MAP7D2: variants seen among roughly 807,000 people sequenced by gnomAD.
The protein encoded by MAP7D2 is MAP7 domain containing 2.
MAP7D2 carries 33 observed loss-of-function variants against 63.5 expected under a neutral mutation model. The observed-to-expected ratio is 0.52, with a 90% CI of 0.39 to 0.70. The LOEUF (loss-of-function observed/expected upper bound fraction) is 0.70, where lower values mean the gene tolerates loss of function less well. Among genes scored for constraint, MAP7D2 ranks in the 30% least tolerant of loss-of-function variants. The pLI, the probability that MAP7D2 is intolerant of heterozygous loss-of-function variation, is 0.00. For synonymous variants in MAP7D2, 224 were observed against 223.7 expected (o/e 1.00, Z -0.01); for missense variants, 626 against 604.0 (o/e 1.04, Z -0.38).
At chrX:20,085,649 G>A (rs1179509680) in intron 1 of MAP7D2, among the ~76,000 whole-genome samples, 1 of 112,345 alleles carries the variant, frequency 8.9e-6, no homozygotes, top group African/African-American at 3.2e-5. Context: ...AGCCAATATG[G>A]TCACTAAATG....
Position 20,016,157 on chromosome X carries a change from C to T in MAP7D2, c.1581G>A (p.Glu527=). 1.7e-6 allele frequency: 2 copies of T among 1,201,731 alleles called. No homozygotes were observed. Among genetic ancestry groups the T allele is most frequent in the Non-Finnish European group, 2.2e-6 (2 of 890,013 alleles). The change falls in exon 11 of 17, where the codon GAG becomes GAA. Residue 527 remains glutamate, a synonymous_variant. Transcript: ENST00000379643. ...AGEEAKRKAE[E]ELLLKEKQEQ... ...CTTGCTTTTCTTTCAACAACAGCTC[C>T]TCCTCAGCCTTCCGCTTGGCCTCCT... is the stretch of plus-strand genomic sequence containing the variant.
chrX:20,034,484 TCCTCAAAACATGTGAGTTGAAACCCTAA>T (rs2148233662), intron 8 of MAP7D2, among the ~76,000 whole-genome samples: 1 of 111,030 alleles, frequency 9.0e-6, no homozygotes, highest in African/African-American at 3.3e-5. Context: ...TGTTTCTGTC[TCCTCAAAACATGTGAGTTGAAACCCTAA>T]CCCCATGGTG....
At chrX:20,100,808 G>A (rs897810967) in intron 1 of MAP7D2, among the ~76,000 whole-genome samples, 1 of 110,893 alleles carries the variant, frequency 9.0e-6, no homozygotes, top group Non-Finnish European at 1.9e-5. Flanking sequence ...GATCACCTGA[G>A]GTCGGGAGTT....
chrX:20,024,977 T>C lies in MAP7D2; in HGVS notation c.1386A>G (p.Glu462=), dbSNP rs138055033. The C allele has an allele frequency of 9.0e-5, 109 of 1,210,156 alleles. No homozygotes were observed. Among genetic ancestry groups the C allele is most frequent in the Non-Finnish European group, 1.2e-4 (108 of 895,186 alleles). ...ARLQKEQEEQ[E]RLEKEEQDRL... ...TATCTTGTTCTTCCTTCTCCAGTCG[T>C]TCTTGCTCCTCCTGTTCCTTCTGCA... Residue 462 remains glutamate, a synonymous_variant, in exon 10 of 17, where the codon GAA becomes GAG. Transcript: ENST00000379643.
At chrX:20,094,568 A>ATG (rs2066201545) in intron 1 of MAP7D2, among the ~76,000 whole-genome samples, 2 of 6,885 alleles carry the variant, frequency 2.9e-4, no homozygotes, top group Non-Finnish European at 5.2e-4. Context: ...ATATATATAT[A>ATG]CATATATATG....
In MAP7D2 at chrX:20,049,893, T is replaced by A. The variant is rs1199557193; in HGVS notation, c.718+931A>T. The A allele has an allele frequency of 9.5e-6, 3 of 315,525 alleles. No individual in the cohort carries two copies. The East Asian group carries it at 3.1e-4, about 33-fold the overall frequency. The allele number at this position is 315,525 out of a possible 1,213,427, so 26.0% of individuals were successfully genotyped here. ...TCTAGTCATCCTAGTGGGTGTAAAG[T>A]GGCATCCCACTATGGTTTTGATTTG... On this transcript the variant is annotated intron_variant, in intron 6 of 16. Coordinates refer to ENST00000379643, the MANE Select transcript of MAP7D2 (RefSeq NM_001168465.2).
chrX:20,099,789 G>T (rs2066378993), intron 1 of MAP7D2, among the ~76,000 whole-genome samples: 1 of 112,218 alleles, frequency 8.9e-6, no homozygotes, highest in Non-Finnish European at 1.9e-5. Context: ...CTCCCCAGTA[G>T]CCAGCTGGAA....
intron 4 of MAP7D2, chrX:20,055,726 G>C: frequency 2.1e-6 from 2 of 966,948 alleles, no homozygotes; most frequent in South Asian, 3.9e-5. Flanking sequence ...AGTGATGCTC[G>C]GATATACCGT....
intron 1 of MAP7D2, among the ~76,000 whole-genome samples, chrX:20,116,071 C>T (rs2066883777): frequency 8.8e-6 from 1 of 113,069 alleles, no homozygotes; most frequent in African/African-American, 3.2e-5. Context: ...ACCAGCCCTC[C>T]ATGGCTCCCA....
chrX:20,028,929 T>A (rs1467385647), intron 8 of MAP7D2, among the ~76,000 whole-genome samples: 2 of 112,084 alleles, frequency 1.8e-5, no homozygotes, highest in African/African-American at 3.2e-5. Context: ...AGGAGGACTT[T>A]CTGGCATTGG....
intron 8 of MAP7D2, among the ~76,000 whole-genome samples, chrX:20,035,425 T>C (rs1185630608): frequency 8.9e-6 from 1 of 112,100 alleles, no homozygotes; most frequent in Non-Finnish European, 1.9e-5. Flanking sequence ...CCTGCATTCA[T>C]TCATTCCACA....
At chrX:20,020,199 G>A (rs1203528533) in intron 10 of MAP7D2, among the ~76,000 whole-genome samples, 2 of 111,481 alleles carry the variant, frequency 1.8e-5, no homozygotes, top group African/African-American at 6.5e-5. Flanking sequence ...CACTTGTGCT[G>A]TGAATTCCAC....
chrX:20,064,935 C>G (rs1485900050), intron 1 of MAP7D2, 130 bp from the exon 2 acceptor site: 6 of 521,587 alleles, frequency 1.2e-5, no homozygotes, highest in Admixed American at 8.7e-5. Flanking sequence ...TCACTTCAAC[C>G]AAAGGAAGTC....
intron 1 of MAP7D2, among the ~76,000 whole-genome samples, chrX:20,068,725 T>C (rs953604551): frequency 5.4e-5 from 6 of 111,907 alleles, no homozygotes; most frequent in African/African-American, 2.0e-4. Flanking sequence ...ACACAGTGTA[T>C]CCAAGAAGTA....
At chrX:20,085,295 T>C (rs913306357) in intron 1 of MAP7D2, among the ~76,000 whole-genome samples, 3 of 112,259 alleles carry the variant, frequency 2.7e-5, no homozygotes, top group South Asian at 7.5e-4. Context: ...CTTTGATACT[T>C]GTAAAAACCC....
At chrX:20,025,154 A>C in intron 9 of MAP7D2, 71 bp from the exon 10 acceptor site, 1 of 1,115,817 alleles carries the variant, frequency 9.0e-7, no homozygotes, top group Non-Finnish European at 1.2e-6. Flanking sequence ...CTCACACAGC[A>C]GCTGCCAGTT....
intron 1 of MAP7D2, among the ~76,000 whole-genome samples, chrX:20,098,978 C>T (rs1290156443): frequency 8.9e-6 from 1 of 112,786 alleles, no homozygotes; most frequent in Non-Finnish European, 1.9e-5. Flanking sequence ...AGGTGTGACC[C>T]ACTCTGGCAC....
chrX:20,102,186 G>C (rs1282044379), intron 1 of MAP7D2, among the ~76,000 whole-genome samples: 1 of 111,658 alleles, frequency 9.0e-6, no homozygotes, highest in African/African-American at 3.3e-5. Context: ...TAGTTTCCAA[G>C]TGCCAGTCCC....
At chrX:20,025,652 G>A (rs1262109913) in intron 9 of MAP7D2, 29 bp downstream of exon 9, 1 of 1,205,425 alleles carries the variant, frequency 8.3e-7, no homozygotes, top group African/African-American at 1.8e-5. Flanking sequence ...ACCGTCTTGG[G>A]AAAGCCAAGG....
Sources: gnomAD v4.1 joint callset for allele counts (sites outside exome capture counted in the v4.1 genomes callset) on GRCh38, gnomAD v4.1.1 for gene constraint, MANE v1.5 for transcripts, NCBI Gene and HGNC (gene_info 2026-07-23, HGNC 2026-07-21) for gene names.